Variants in ERBB4 observed in about 807,000 individuals in gnomAD.
ERBB4 encodes the protein erb-b2 receptor tyrosine kinase 4, also known as receptor tyrosine-protein kinase erbB-4.
A neutral mutation model predicts 158.0 loss-of-function variants in ERBB4; 42 were observed. The observed-to-expected ratio is 0.27, with a 90% CI of 0.21 to 0.34. The LOEUF (loss-of-function observed/expected upper bound fraction) is 0.34, where lower values mean the gene tolerates loss of function less well. Ranked by LOEUF, ERBB4 falls within the 10% of genes least tolerant of loss-of-function variation. ERBB4 has a pLI of 1.00. For missense variants in ERBB4, 1,333 were observed against 1,624.1 expected (o/e 0.82, Z 3.08); for synonymous variants, 583 against 558.7 (o/e 1.04, Z -0.61).
chr2:211,821,362 A>C (rs2105942884), intron 3 of ERBB4, among the ~76,000 whole-genome samples: 1 of 151,930 alleles, frequency 6.6e-6, no homozygotes, highest in East Asian at 1.9e-4. Flanking sequence ...TGATGAAATA[A>C]ATTGAAGAGG....
rs2125300388 is a variant in ERBB4, at chr2:211,380,429, A to G, written c.*3186T>C. On this transcript the variant is annotated 3_prime_UTR_variant, in exon 28 of 28. Coordinates refer to ENST00000342788, the MANE Select transcript of ERBB4 (RefSeq NM_005235.3). ...AAAAAATATACTCCGTGTAATTTTA[A>G]TACTAATTTGTCTCAGATTTACATA... 4.3e-6 allele frequency: 1 copy of G among 232,472 alleles called. No individual in the cohort carries two copies. Among genetic ancestry groups the G allele is most frequent in the East Asian group, 6.1e-5 (1 of 16,464 alleles). The allele number at this position is 232,472 out of a possible 1,614,324, so 14.4% of individuals were successfully genotyped here.
intron 4 of ERBB4, among the ~76,000 whole-genome samples, chr2:211,753,851 C>T (rs2075208715): frequency 7.1e-6 from 1 of 141,568 alleles, no homozygotes; most frequent in Admixed American, 7.0e-5. Flanking sequence ...CTCAAAAGTC[C>T]TGATTTTTTT....
chr2:211,478,259 A>G (rs1039262473), intron 20 of ERBB4, among the ~76,000 whole-genome samples: 3 of 152,180 alleles, frequency 2.0e-5, no homozygotes, highest in Admixed American at 1.3e-4. Flanking sequence ...GTTAAAACAA[A>G]CAAGCTTAAT....
intron 1 of ERBB4, among the ~76,000 whole-genome samples, chr2:212,332,895 G>T (rs2088246775): frequency 6.6e-6 from 1 of 152,084 alleles, no homozygotes; most frequent in African/African-American, 2.4e-5. Context: ...CATTGAAAAG[G>T]TGAGTAGTGA....
chr2:211,703,621 A>C (rs747455862), intron 11 of ERBB4, among the ~76,000 whole-genome samples: 15 of 151,950 alleles, frequency 9.9e-5, no homozygotes, highest in Non-Finnish European at 2.1e-4. Context: ...CTAAACCTGA[A>C]TTTTTTTTGT....
intron 20 of ERBB4, among the ~76,000 whole-genome samples, chr2:211,510,586 T>C (rs1325057475): frequency 7.2e-5 from 11 of 152,254 alleles, no homozygotes; most frequent in African/African-American, 1.2e-4. Context: ...GAAGTTATCA[T>C]TCAAAATACT....
rs1470773192 is a variant in ERBB4 at position 211,838,544 on chromosome 2, T to C, written c.422-50385A>G. 8.5e-5 allele frequency among the ~76,000 whole-genome samples: 13 copies of C among 152,154 alleles called. 1 individual carries two copies. In the South Asian group the frequency reaches 2.7e-3, roughly 31 times the overall value. On this transcript the variant is annotated intron_variant, in intron 3 of 27. Transcript: ENST00000342788. Reference sequence around the variant, plus strand: ...AAGTGAAGTTTTTTAACCATTCTTTTCCCATTGTCTTCACTTCAACTTTCA... The same window carrying C: ...AAGTGAAGTTTTTTAACCATTCTTTCCCCATTGTCTTCACTTCAACTTTCA...
intron 3 of ERBB4, among the ~76,000 whole-genome samples, chr2:211,940,401 G>C (rs1046456206): frequency 6.6e-6 from 1 of 152,008 alleles, no homozygotes; most frequent in Non-Finnish European, 1.5e-5. Context: ...TAAGCAAGGG[G>C]GTTTGTCTCC....
chr2:212,495,906 G>A (rs563075328), intron 1 of ERBB4, among the ~76,000 whole-genome samples: 11 of 152,216 alleles, frequency 7.2e-5, no homozygotes, highest in African/African-American at 2.6e-4. Context: ...TTACTTTGCT[G>A]ATTCTCCCTC....
chr2:212,007,657 C>G (rs544025986), intron 2 of ERBB4, among the ~76,000 whole-genome samples: 1 of 151,924 alleles, frequency 6.6e-6, no homozygotes, highest in East Asian at 1.9e-4. Context: ...TCAATAGTCT[C>G]CAAATTCATA....
chr2:211,518,444 A>T (rs1423387121), intron 20 of ERBB4, among the ~76,000 whole-genome samples: 4 of 152,126 alleles, frequency 2.6e-5, no homozygotes, highest in Non-Finnish European at 5.9e-5. Context: ...TCACAAAGTC[A>T]GGAGATCGAG....
chr2:212,111,762 C>G (rs2079415667), intron 2 of ERBB4, among the ~76,000 whole-genome samples: 1 of 151,994 alleles, frequency 6.6e-6, no homozygotes, highest in African/African-American at 2.4e-5. Flanking sequence ...AAATACCAGG[C>G]AGGGTGCTAG....
chr2:212,297,188 A>C (rs2086444167), intron 1 of ERBB4, among the ~76,000 whole-genome samples: 1 of 152,054 alleles, frequency 6.6e-6, no homozygotes, highest in Non-Finnish European at 1.5e-5. Context: ...TTGTATAAGA[A>C]GTGGCCTTAA....
chr2:212,177,166 G>A, intron 1 of ERBB4, among the ~76,000 whole-genome samples: 1 of 151,604 alleles, frequency 6.6e-6, no homozygotes, highest in East Asian at 1.9e-4. Flanking sequence ...TACCACTTAA[G>A]AATTATAGAA....
At chr2:212,289,087 G>A (rs2086110321) in intron 1 of ERBB4, among the ~76,000 whole-genome samples, 1 of 151,970 alleles carries the variant, frequency 6.6e-6, no homozygotes. Flanking sequence ...AACTACCTAC[G>A]CCCCAAGTTT....
At chr2:211,658,962 A>C (rs1338278864) in intron 15 of ERBB4, among the ~76,000 whole-genome samples, 1 of 152,140 alleles carries the variant, frequency 6.6e-6, no homozygotes, top group Non-Finnish European at 1.5e-5. Flanking sequence ...TCCTTTTTAT[A>C]GTTAGGATTT....
At chr2:211,543,187 C>T (rs534374290) in intron 20 of ERBB4, among the ~76,000 whole-genome samples, 12 of 151,870 alleles carry the variant, frequency 7.9e-5, no homozygotes, top group Admixed American at 7.2e-4. Context: ...CAGCCTTTTT[C>T]GCACTCACCA....
chr2:212,181,619 T>C (rs565503196), intron 1 of ERBB4, among the ~76,000 whole-genome samples: 170 of 151,912 alleles, frequency 1.1e-3, no homozygotes, highest in Non-Finnish European at 1.2e-3. Context: ...CTGCAATGCG[T>C]AGCAGTTATG....
intron 2 of ERBB4, among the ~76,000 whole-genome samples, chr2:212,068,648 G>A (rs1389060209): frequency 6.6e-6 from 1 of 151,958 alleles, no homozygotes; most frequent in African/African-American, 2.4e-5. Context: ...TGCCTTACAA[G>A]AAAAGTAGCT....
Sources: allele counts gnomAD v4.1 joint callset (sites outside exome capture counted in the v4.1 genomes callset), GRCh38; gene constraint gnomAD v4.1.1; transcripts MANE v1.5; gene names NCBI Gene and HGNC (gene_info 2026-07-23, HGNC 2026-07-21).